CDK14: variants seen among roughly 807,000 people sequenced by gnomAD.
CDK14 encodes the protein cyclin-dependent kinase 14.
CDK14 carries 34 observed loss-of-function variants against 60.7 expected under a neutral mutation model. The ratio of observed to expected loss-of-function variants is 0.56; its 90% CI spans 0.43 to 0.75. CDK14 has a LOEUF of 0.75. Ranked by LOEUF, CDK14 falls within the 30% of genes least tolerant of loss-of-function variation. The pLI is 0.00. For synonymous variants in CDK14, 197 were observed against 203.7 expected (o/e 0.97, Z 0.28); for missense variants, 482 against 564.1 (o/e 0.85, Z 1.47).
At chr7:91,142,730 A>G (rs1800505784) in intron 14 of CDK14, among the ~76,000 whole-genome samples, 1 of 152,244 alleles carries the variant, frequency 6.6e-6, no homozygotes, top group Admixed American at 6.5e-5. Flanking sequence ...ATATAACATA[A>G]TGTTGTACAC....
intron 10 of CDK14, among the ~76,000 whole-genome samples, chr7:91,000,915 C>T (rs189690324): frequency 3.3e-5 from 5 of 152,204 alleles, no homozygotes; most frequent in South Asian, 2.1e-4. Context: ...GTATGGTCTT[C>T]GCTGGAATAA....
chr7:90,897,508 A>G (rs1673105464), intron 6 of CDK14, among the ~76,000 whole-genome samples: 1 of 152,080 alleles, frequency 6.6e-6, no homozygotes, highest in Non-Finnish European at 1.5e-5. Context: ...AATGAGCATT[A>G]TTTTAAAAGA....
At chr7:91,174,185 C>A (rs993072450) in intron 14 of CDK14, among the ~76,000 whole-genome samples, 2 of 151,984 alleles carry the variant, frequency 1.3e-5, no homozygotes, top group Admixed American at 6.5e-5. Flanking sequence ...AGGCACCCCC[C>A]AGCAGGGGCA....
intron 12 of CDK14, among the ~76,000 whole-genome samples, chr7:91,097,183 C>A (rs971053975): frequency 3.3e-5 from 5 of 152,042 alleles, no homozygotes; most frequent in African/African-American, 7.2e-5. Flanking sequence ...GAGTTCGAGA[C>A]CAGCCTGGCC....
chr7:90,677,691 G>T (rs535082542), intron 2 of CDK14, among the ~76,000 whole-genome samples: 1 of 125,446 alleles, frequency 8.0e-6, no homozygotes, highest in Admixed American at 8.7e-5. Context: ...AAGCCTACCA[G>T]CTGTGCCCGA....
intron 14 of CDK14, among the ~76,000 whole-genome samples, chr7:91,172,540 T>C (rs2115810414): frequency 6.6e-6 from 1 of 152,304 alleles, no homozygotes; most frequent in South Asian, 2.1e-4. Context: ...AAGCAGTCAC[T>C]TCCTGATTAG....
chr7:90,880,320 G>A (rs1791704235), intron 6 of CDK14, among the ~76,000 whole-genome samples: 1 of 152,324 alleles, frequency 6.6e-6, no homozygotes, highest in East Asian at 1.9e-4. Flanking sequence ...GTGGCAGTCT[G>A]TGGCCATAGT....
intron 12 of CDK14, among the ~76,000 whole-genome samples, chr7:91,085,484 G>C (rs892944387): frequency 6.6e-6 from 1 of 152,192 alleles, no homozygotes; most frequent in African/African-American, 2.4e-5. Context: ...CATGTAATTA[G>C]ATTGGGCCCA....
intron 7 of CDK14, among the ~76,000 whole-genome samples, chr7:90,908,700 C>G (rs1792794226): frequency 6.6e-6 from 1 of 152,140 alleles, no homozygotes; most frequent in Admixed American, 6.5e-5. Flanking sequence ...CACAGCATTC[C>G]TGTGTCCAGC....
chr7:91,112,851 G>A (rs1799507526), intron 13 of CDK14, among the ~76,000 whole-genome samples, 170 bp downstream of exon 13: 1 of 146,300 alleles, frequency 6.8e-6, no homozygotes, highest in African/African-American at 2.4e-5. Flanking sequence ...GTGTGTATGT[G>A]TGGAGAGAGA....
At chr7:90,805,171 C>T (rs1451310727) in intron 5 of CDK14, among the ~76,000 whole-genome samples, 1 of 152,080 alleles carries the variant, frequency 6.6e-6, no homozygotes, top group South Asian at 2.1e-4. Context: ...GATGAGAATT[C>T]GTAATGTACT....
At chr7:90,613,916 AG>A (rs1799595891) in intron 2 of CDK14, among the ~76,000 whole-genome samples, 2 of 151,888 alleles carry the variant, frequency 1.3e-5, no homozygotes, top group East Asian at 3.9e-4. Context: ...CATTGAAATC[AG>A]TGAAGCCAAG....
chr7:91,013,724 G>C (rs560185332), intron 10 of CDK14, among the ~76,000 whole-genome samples: 2 of 145,650 alleles, frequency 1.4e-5, no homozygotes, highest in African/African-American at 2.6e-5. Context: ...TTAAGAAAGA[G>C]TGGTTCTGAG....
At chr7:91,194,557 CA>C (rs1336962070) in intron 14 of CDK14, among the ~76,000 whole-genome samples, 1 of 151,518 alleles carries the variant, frequency 6.6e-6, no homozygotes, top group Non-Finnish European at 1.5e-5. Flanking sequence ...TTTTTAATTC[CA>C]AATGACACCA....
chr7:91,017,430 T>A (rs1796328302), intron 10 of CDK14, among the ~76,000 whole-genome samples: 1 of 152,196 alleles, frequency 6.6e-6, no homozygotes, highest in Non-Finnish European at 1.5e-5. Flanking sequence ...TTGTTAATTG[T>A]TATTTTGTTT....
intron 6 of CDK14, among the ~76,000 whole-genome samples, chr7:90,882,262 C>CCAAAAAA (rs375675620): frequency 3.4e-5 from 4 of 116,638 alleles, no homozygotes; most frequent in African/African-American, 1.3e-4. Context: ...AAATGGAAAG[C>CCAAAAAA]AAAAAAAAAA....
At chr7:90,766,280 C>A (rs1804557512) in intron 4 of CDK14, among the ~76,000 whole-genome samples, 1 of 152,014 alleles carries the variant, frequency 6.6e-6, no homozygotes, top group Non-Finnish European at 1.5e-5. Flanking sequence ...TTATTGAACA[C>A]TCCATTTTTT....
At chr7:90,734,359 T>G (rs1802998400) in intron 3 of CDK14, among the ~76,000 whole-genome samples, 2 of 152,186 alleles carry the variant, frequency 1.3e-5, no homozygotes, top group South Asian at 4.1e-4. Flanking sequence ...TTGTCCTGCC[T>G]TGCTAGGTTG....
At position 91,120,362 on chromosome 7, in the gene CDK14, A is replaced by G. The variant is rs943622380; in HGVS notation, c.*28+2154A>G. Among the ~76,000 whole-genome samples the G allele has an allele frequency of 6.6e-5, 10 of 152,346 alleles. No individual in the cohort carries two copies. The South Asian group carries it at 1.9e-3, about 28-fold the overall frequency. ...TTTTTTAAAAGGTGCTCAGAACTAC[A>G]GTCATCAGTATATAAAAGCCTTTAC... On this transcript the variant is annotated intron_variant, in intron 14 of 14. Transcript: ENST00000380050.
Sources: allele counts gnomAD v4.1 joint callset (sites outside exome capture counted in the v4.1 genomes callset), GRCh38; gene constraint gnomAD v4.1.1; transcripts MANE v1.5; gene names NCBI Gene and HGNC (gene_info 2026-07-23, HGNC 2026-07-21).